The following ATRNL1 variants were observed in gnomAD, a reference collection of about 807,000 sequenced individuals.
ATRNL1 encodes the protein attractin like 1.
Under a neutral mutation model 182.7 loss-of-function variants are expected in ATRNL1, and 95 were observed. The observed-to-expected ratio is 0.52, with a 90% CI of 0.44 to 0.62. The LOEUF is 0.62. ATRNL1 is among the 20% of genes least tolerant of loss of function. ATRNL1 has a pLI of 0.00. For synonymous variants in ATRNL1, 576 were observed against 568.3 expected (o/e 1.01, Z -0.19); for missense variants, 1,471 against 1,679.5 (o/e 0.88, Z 2.17).
chr10:115,533,925 T>C (rs1851779847), intron 25 of ATRNL1, among the ~76,000 whole-genome samples: 1 of 149,174 alleles, frequency 6.7e-6, no homozygotes, highest in Non-Finnish European at 1.5e-5. Context: ...TGAGTGAGTT[T>C]CTTAATCCTG....
At chr10:115,535,457 A>G (rs1389054002) in intron 25 of ATRNL1, among the ~76,000 whole-genome samples, 17 of 149,758 alleles carry the variant, frequency 1.1e-4, no homozygotes, top group Admixed American at 2.0e-4. Context: ...TTTCAGCTCC[A>G]TCAGCTCCTT....
At chr10:115,881,050 TC>T (rs1219813658) in intron 28 of ATRNL1, among the ~76,000 whole-genome samples, 7 of 152,170 alleles carry the variant, frequency 4.6e-5, no homozygotes, top group African/African-American at 1.7e-4. Context: ...TGTGGAGCTG[TC>T]CTGGGGCCTG....
At position 115,595,390 on chromosome 10, in the gene ATRNL1, A is replaced by G. The variant is rs567342783; in HGVS notation, c.3795+45854A>G. On this transcript the variant is annotated intron_variant, in intron 26 of 28. Transcript: ENST00000355044. ...ATTTCTGCTTTGAGTGTAGACTGCC[A>G]TGAGATTTGTAATATTATATATTAA... Among the ~76,000 whole-genome samples the G allele has an allele frequency of 2.6e-5, 4 of 152,316 alleles. No individual in the cohort carries two copies. In the South Asian group the frequency reaches 8.3e-4, roughly 32 times the overall value.
chr10:115,632,432 C>A (rs916034493), intron 26 of ATRNL1, among the ~76,000 whole-genome samples: 1 of 151,982 alleles, frequency 6.6e-6, no homozygotes, highest in African/African-American at 2.4e-5. Flanking sequence ...AATAAGAACT[C>A]CTGTTATATT....
chr10:115,783,197 G>T (rs1246198642), intron 27 of ATRNL1, among the ~76,000 whole-genome samples: 1 of 149,346 alleles, frequency 6.7e-6, no homozygotes, highest in East Asian at 2.0e-4. Flanking sequence ...AAAACTAGAG[G>T]CTATGGATTC....
At chr10:115,257,768 G>C (rs183819468) in intron 10 of ATRNL1, among the ~76,000 whole-genome samples, 2 of 152,238 alleles carry the variant, frequency 1.3e-5, no homozygotes, top group African/African-American at 2.4e-5. Flanking sequence ...TCCATGTTTA[G>C]TGCTTCCTTC....
intron 28 of ATRNL1, among the ~76,000 whole-genome samples, chr10:115,854,863 A>T (rs1017104605): frequency 6.6e-6 from 1 of 152,122 alleles, no homozygotes; most frequent in East Asian, 1.9e-4. Flanking sequence ...TATTCCCTCC[A>T]TGCTTTGTTC....
intron 24 of ATRNL1, among the ~76,000 whole-genome samples, chr10:115,488,372 G>A (rs909462663): frequency 6.6e-6 from 1 of 152,082 alleles, no homozygotes; most frequent in Non-Finnish European, 1.5e-5. Context: ...TGGTTGGTAC[G>A]CTATTAATCA....
At chr10:115,838,186 T>C (rs983518775) in intron 27 of ATRNL1, among the ~76,000 whole-genome samples, 2 of 152,226 alleles carry the variant, frequency 1.3e-5, no homozygotes, top group African/African-American at 4.8e-5. Flanking sequence ...TTGGGTCTGC[T>C]GAAGTATTTC....
intron 17 of ATRNL1, 122 bp from the exon 18 acceptor site, chr10:115,315,396 T>A: frequency 1.5e-6 from 1 of 648,066 alleles, no homozygotes; most frequent in Non-Finnish European, 2.5e-6. Flanking sequence ...CAAAAATGTT[T>A]GCATTAACTA....
chr10:115,144,347 A>G lies in ATRNL1; in HGVS notation c.829+14812A>G, dbSNP rs180950428. 1.6e-3 allele frequency among the ~76,000 whole-genome samples: 240 copies of G among 152,012 alleles called. 1 individual carries two copies. Among genetic ancestry groups the G allele is most frequent in the African/African-American group, 5.5e-3 (229 of 41,456 alleles). On this transcript the variant is annotated intron_variant, in intron 5 of 28. Transcript: ENST00000355044. ...TATTTTTTAGTAGAGACGGGGTTTC[A>G]TGGGGTCTCACCGTGTTAGCCAGGA...
intron 26 of ATRNL1, among the ~76,000 whole-genome samples, chr10:115,572,217 T>G (rs1196736983): frequency 6.6e-6 from 1 of 152,152 alleles, no homozygotes; most frequent in African/African-American, 2.4e-5. Flanking sequence ...GTAAAAATGT[T>G]AAAAGAAAGT....
At chr10:115,885,491 T>G (rs994076712) in intron 28 of ATRNL1, among the ~76,000 whole-genome samples, 2 of 152,248 alleles carry the variant, frequency 1.3e-5, no homozygotes, top group Non-Finnish European at 2.9e-5. Context: ...AGTAGTTTTT[T>G]GTCAGATGCT....
chr10:115,719,347 A>G (rs377301876), intron 26 of ATRNL1, among the ~76,000 whole-genome samples: 15 of 152,338 alleles, frequency 9.8e-5, no homozygotes, highest in African/African-American at 3.6e-4. Context: ...TAGAAGATAA[A>G]AACAAGTATA....
chr10:115,688,973 G>C (rs545092265), intron 26 of ATRNL1, among the ~76,000 whole-genome samples: 1 of 152,140 alleles, frequency 6.6e-6, no homozygotes, highest in East Asian at 1.9e-4. Flanking sequence ...GTTTACTTTT[G>C]TGTATGATGA....
intron 18 of ATRNL1, among the ~76,000 whole-genome samples, chr10:115,319,642 C>CT (rs377100126): frequency 0.014 from 2,089 of 148,028 alleles, 39 homozygotes; most frequent in African/African-American, 0.045. Context: ...TATGTAATGC[C>CT]TTTTTTTTTG....
rs1953842132 is a variant in ATRNL1, at chr10:115,944,925, G to T, written c.*146G>T. The T allele has an allele frequency of 3.2e-6, 3 of 941,256 alleles. No homozygotes were observed. Among genetic ancestry groups the T allele is most frequent in the South Asian group, 7.2e-5 (2 of 27,958 alleles). The allele number at this position is 941,256 out of a possible 1,614,324, so 58.3% of individuals were successfully genotyped here. On this transcript the variant is annotated 3_prime_UTR_variant, in exon 29 of 29. Coordinates refer to ENST00000355044, the MANE Select transcript of ATRNL1 (RefSeq NM_207303.4). Reference sequence around the variant, plus strand: ...TTCCTTCCAAATGGACAATGACCCAGGTGGCCAAAGAATGTTCATGAGTTT... The same window carrying T: ...TTCCTTCCAAATGGACAATGACCCATGTGGCCAAAGAATGTTCATGAGTTT...
chr10:115,506,473 G>C (rs1432659568), intron 24 of ATRNL1, among the ~76,000 whole-genome samples: 1 of 151,928 alleles, frequency 6.6e-6, no homozygotes, highest in Non-Finnish European at 1.5e-5. Context: ...ACTTACCTAG[G>C]GATGGGTCTC....
At chr10:115,818,790 C>T (rs1386781522) in intron 27 of ATRNL1, among the ~76,000 whole-genome samples, 2 of 152,094 alleles carry the variant, frequency 1.3e-5, no homozygotes, top group East Asian at 3.9e-4. Flanking sequence ...CTGCCAGTTC[C>T]TCCTTCACTA....
Sources: gnomAD v4.1 joint callset for allele counts (sites outside exome capture counted in the v4.1 genomes callset) on GRCh38, gnomAD v4.1.1 for gene constraint, MANE v1.5 for transcripts, NCBI Gene and HGNC (gene_info 2026-07-23, HGNC 2026-07-21) for gene names.